Variants in RPL7 observed in about 807,000 individuals in gnomAD.
RPL7 encodes ribosomal protein L7.
For synonymous variants in RPL7, 100 were observed against 102.2 expected (o/e 0.98, Z 0.13); for missense variants, 205 against 301.9 (o/e 0.68, Z 2.38).
chr8:73,292,656 C>T lies in RPL7; in HGVS notation c.123+33G>A, dbSNP rs371890035. ...ATCCTCAATCCCAATAAGGCGCCTCCTTATGTGCTAGTGCCTCAAAAAGTT... is the reference window on the plus strand; with the variant it reads ...ATCCTCAATCCCAATAAGGCGCCTCTTTATGTGCTAGTGCCTCAAAAAGTT... On this transcript the variant is annotated intron_variant, in intron 2 of 6. Coordinates refer to ENST00000352983, the MANE Select transcript of RPL7 (RefSeq NM_000971.4). 1.1e-5 allele frequency: 16 copies of T among 1,517,522 alleles called. No homozygotes were observed. The African/African-American group carries it at 1.2e-4, about 12-fold the overall frequency. The allele number at this position is 1,517,522 out of a possible 1,614,324, so 94.0% of individuals were successfully genotyped here. A position where few individuals can be genotyped will look rare whatever the true frequency, so the allele number is the denominator to read the frequency against.
chr8:73,291,859 A>G lies in RPL7; in HGVS notation c.342T>C (p.Leu114=), dbSNP rs567028278. The change falls in exon 4 of 7, where the codon CTT becomes CTC. Residue 114 remains leucine, a synonymous_variant. Coordinates refer to ENST00000352983, the MANE Select transcript of RPL7 (RefSeq NM_000971.4). ...KVRKVLQLLR[L]RQIFNGTFVK... Reference sequence around the variant, plus strand: ...CAAAGGTTCCATTGAAGATTTGACGAAGGCGAAGAAGCTGCAACACCTTTC... The same window carrying G: ...CAAAGGTTCCATTGAAGATTTGACGGAGGCGAAGAAGCTGCAACACCTTTC... The G allele has an allele frequency of 6.2e-7, 1 of 1,613,264 alleles. No homozygotes were observed.
chr8:73,291,267 GTTATTTAAGA>G lies in RPL7; in HGVS notation c.539-25_539-16del, dbSNP rs1814088125. The G allele has an allele frequency of 6.3e-7, 1 of 1,585,000 alleles. No homozygotes were observed. The highest frequency in any genetic ancestry group is 8.6e-7 in the Non-Finnish European group (1 of 1,163,254). On this transcript the variant is annotated splice_polypyrimidine_tract_variant and intron_variant, in intron 5 of 6. Transcript: ENST00000352983. ...GCCGTATTTACCTAAATATTTTAAG[GTTATTTAAGA>G]TTATTAAAGTTGCAAAAAGTTTTGA... is the stretch of plus-strand genomic sequence containing the variant.
intron 5 of RPL7, 147 bp from the exon 6 acceptor site, chr8:73,291,399 G>A (rs555175628): frequency 7.9e-5 from 67 of 849,454 alleles, no homozygotes; most frequent in Non-Finnish European, 1.0e-4. Flanking sequence ...TAAGGTTCAA[G>A]CTAATGAAAC....
intron 3 of RPL7, 112 bp downstream of exon 3, chr8:73,292,127 T>C (rs935248026): frequency 9.0e-5 from 107 of 1,184,600 alleles, no homozygotes; most frequent in Non-Finnish European, 1.2e-4. Context: ...TTGTTCTAGC[T>C]TCCCCTAAAA....
chr8:73,292,797 T>C lies in RPL7; in HGVS notation c.15A>G (p.Glu5=), dbSNP rs763175484. Reference sequence around the variant, plus strand: ...CAGCAGGAACCTCCTTCTTCTTCTCTCTAACGTTAATAAACAAAAATGTTA... The same window carrying C: ...CAGCAGGAACCTCCTTCTTCTTCTCCCTAACGTTAATAAACAAAAATGTTA... MEGV[E]EKKKEVPAVP... Residue 5 remains glutamate (E), a splice_region_variant and synonymous_variant, in exon 2 of 7, where the codon GAA becomes GAG. Transcript: ENST00000352983. 2.1e-5 allele frequency: 33 copies of C among 1,603,968 alleles called. No individual in the cohort carries two copies. The highest frequency in any genetic ancestry group is 2.7e-5 in the Non-Finnish European group (32 of 1,175,666).
chr8:73,292,150 G>A (rs1050217106), intron 3 of RPL7, 89 bp downstream of exon 3: 10 of 1,299,214 alleles, frequency 7.7e-6, no homozygotes, highest in African/African-American at 1.5e-5. Context: ...TTGTTACTCC[G>A]GTGTTTCAGA....
At chr8:73,293,567 A>G (rs774061156) in intron 1 of RPL7, 32 bp downstream of exon 1, 6 of 1,613,390 alleles carry the variant, frequency 3.7e-6, no homozygotes, top group Non-Finnish European at 3.4e-6. Context: ...GGAGATGGAG[A>G]AGGATTCTCA....
chr8:73,292,975 C>T (rs1417792809), intron 1 of RPL7, 178 bp from the exon 2 acceptor site: 4 of 454,332 alleles, frequency 8.8e-6, no homozygotes, highest in African/African-American at 2.0e-5. Context: ...TGTCAATAAC[C>T]TTTAACACCA....
chr8:73,292,532 C>T (rs759713225), intron 2 of RPL7, 127 bp from the exon 3 acceptor site: 4 of 1,078,820 alleles, frequency 3.7e-6, no homozygotes, highest in Admixed American at 5.0e-5. Context: ...AATTACATCC[C>T]CCACCAAAAA....
rs991806719 is a variant in RPL7, at chr8:73,290,436, A to G, written c.*271T>C. ...CCATTTCGAATCACTCAGCACAGTT[A>G]AAAAACAAAAAATTAAAATCTTTTG... On this transcript the variant is annotated 3_prime_UTR_variant, in exon 7 of 7. Coordinates refer to ENST00000352983, the MANE Select transcript of RPL7 (RefSeq NM_000971.4). 1 of 152,338 alleles carries G rather than the reference A, an allele frequency of 6.6e-6. No homozygotes were observed. Among genetic ancestry groups the G allele is most frequent in the East Asian group, 1.9e-4 (1 of 5,204 alleles). 9.4% of individuals were successfully genotyped at this position (152,338 alleles called of 1,614,324 possible).
At chr8:73,293,256 G>A (rs1814151403) in intron 1 of RPL7, 1 of 280,536 alleles carries the variant, frequency 3.6e-6, no homozygotes, top group Non-Finnish European at 6.7e-6. Context: ...AGGCCTGGCG[G>A]CAGGGAGGCC....
In RPL7 at chr8:73,292,694, T is replaced by C. The variant is rs747037278; in HGVS notation, c.118A>G (p.Lys40Glu). ...GCCTCAAAAAGTTTACTTACCATCT[T>C]TTGGGCAAACTTCTTTCTCAGGCGC... ...IKRLRKKFAQKMLRKARRKLI... is the reference protein window; with the variant it reads ...IKRLRKKFAQEMLRKARRKLI... Residue 40 changes from lysine to glutamate, a missense_variant, in exon 2 of 7, where the codon AAG becomes GAG. Coordinates refer to ENST00000352983, the MANE Select transcript of RPL7 (RefSeq NM_000971.4). 1.5e-5 allele frequency: 24 copies of C among 1,610,718 alleles called. No individual in the cohort carries two copies. Among genetic ancestry groups the C allele is most frequent in the Non-Finnish European group, 2.0e-5 (23 of 1,178,948 alleles).
At chr8:73,291,351 C>T (rs1171871033) in intron 5 of RPL7, 99 bp from the exon 6 acceptor site, 2 of 994,430 alleles carry the variant, frequency 2.0e-6, no homozygotes, top group Non-Finnish European at 3.0e-6. Flanking sequence ...GAAAACATAA[C>T]CAGGAATAAA....
intron 1 of RPL7, 41 bp downstream of exon 1, chr8:73,293,558 G>C: frequency 6.2e-7 from 1 of 1,612,492 alleles, no homozygotes; most frequent in Non-Finnish European, 8.5e-7. Context: ...TCTGGCTCTG[G>C]AGATGGAGAA....
At position 73,293,550 on chromosome 8, in the gene RPL7, T is replaced by C. The variant is rs368610479; in HGVS notation, c.14+49A>G. 42 of 1,610,352 alleles carry C rather than the reference T, an allele frequency of 2.6e-5. No individual in the cohort carries two copies. In the East Asian group the frequency reaches 2.7e-4, roughly 10 times the overall value. On this transcript the variant is annotated intron_variant, in intron 1 of 6. Transcript: ENST00000352983. Reference sequence around the variant, plus strand: ...GAGAAAAAGTGACACAAAAAGTATCTGGCTCTGGAGATGGAGAAGGATTCT... The same window carrying C: ...GAGAAAAAGTGACACAAAAAGTATCCGGCTCTGGAGATGGAGAAGGATTCT...
At chr8:73,293,541 A>G in intron 1 of RPL7, 58 bp downstream of exon 1, 1 of 1,606,594 alleles carries the variant, frequency 6.2e-7, no homozygotes, top group South Asian at 1.1e-5. Context: ...AAGTGACACA[A>G]AAAGTATCTG....
At chr8:73,293,494 G>C in intron 1 of RPL7, 105 bp downstream of exon 1, 1 of 1,382,686 alleles carries the variant, frequency 7.2e-7, no homozygotes, top group Non-Finnish European at 1.0e-6. Context: ...CAAGCAGGGA[G>C]GTGGGCAAAG....
intron 3 of RPL7, 103 bp from the exon 4 acceptor site, chr8:73,292,013 A>G: frequency 7.0e-7 from 1 of 1,433,220 alleles, no homozygotes; most frequent in Non-Finnish European, 9.7e-7. Flanking sequence ...AACAGATAGG[A>G]ATCCTCTCAT....
chr8:73,291,483 G>A (rs949359971), intron 5 of RPL7, 69 bp downstream of exon 5: 1 of 1,152,152 alleles, frequency 8.7e-7, no homozygotes, highest in Non-Finnish European at 1.3e-6. Flanking sequence ...AGTGAGAAAT[G>A]TACGGCCACA....
Sources: allele counts gnomAD v4.1 joint callset, GRCh38; gene constraint gnomAD v4.1.1; transcripts MANE v1.5; gene names NCBI Gene and HGNC (gene_info 2026-07-23, HGNC 2026-07-21).